DCTD: variants seen among roughly 807,000 people sequenced by gnomAD.
The protein encoded by DCTD is deoxycytidylate deaminase.
Under a neutral mutation model 21.0 loss-of-function variants are expected in DCTD, and 23 were observed. That is an observed-to-expected ratio of 1.09 (90% CI 0.79 to 1.55). DCTD has a LOEUF of 1.55. Ranked by LOEUF, DCTD falls within the 40% of genes most tolerant of loss-of-function variation. DCTD has a pLI of 0.00. For synonymous variants in DCTD, 71 were observed against 81.1 expected (o/e 0.88, Z 0.67); for missense variants, 224 against 230.0 (o/e 0.97, Z 0.17).
intron 4 of DCTD, among the ~76,000 whole-genome samples, chr4:182,893,726 G>T (rs535880790): frequency 1.3e-5 from 2 of 152,050 alleles, no homozygotes; most frequent in Non-Finnish European, 2.9e-5. Flanking sequence ...GCCTGCCACC[G>T]CCTCCACACC....
chr4:182,913,353 C>A (rs1003424146), intron 3 of DCTD, among the ~76,000 whole-genome samples: 1 of 152,210 alleles, frequency 6.6e-6, no homozygotes, highest in Non-Finnish European at 1.5e-5. Context: ...CCCTAAACTA[C>A]TTTTCACATC....
At chr4:182,901,113 A>G (rs1735664164) in intron 3 of DCTD, among the ~76,000 whole-genome samples, 1 of 152,176 alleles carries the variant, frequency 6.6e-6, no homozygotes, top group African/African-American at 2.4e-5. Context: ...CTGATATAAG[A>G]CTGATACAAT....
At chr4:182,894,777 G>A (rs763482921) in intron 3 of DCTD, among the ~76,000 whole-genome samples, 172 bp from the exon 4 acceptor site, 3 of 152,240 alleles carry the variant, frequency 2.0e-5, no homozygotes, top group Non-Finnish European at 4.4e-5. Context: ...ACGTGGTCTG[G>A]CTGGTTGCTG....
chr4:182,901,221 T>C (rs1735681385), intron 3 of DCTD, among the ~76,000 whole-genome samples: 1 of 152,206 alleles, frequency 6.6e-6, no homozygotes, highest in South Asian at 2.1e-4. Context: ...CTAAATAATT[T>C]AGCAGTGATA....
chr4:182,901,983 T>C (rs1355922854), intron 3 of DCTD, among the ~76,000 whole-genome samples: 1 of 152,150 alleles, frequency 6.6e-6, no homozygotes, highest in Non-Finnish European at 1.5e-5. Flanking sequence ...AGATGCCTGA[T>C]GGAAACTTCC....
intron 4 of DCTD, among the ~76,000 whole-genome samples, chr4:182,893,499 T>C (rs1008298317): frequency 1.3e-5 from 2 of 152,240 alleles, no homozygotes; most frequent in Non-Finnish European, 2.9e-5. Flanking sequence ...TGCTGGCAAA[T>C]TCAGAGGTGG....
chr4:182,916,524 T>C, intron 1 of DCTD: 2 of 986,630 alleles, frequency 2.0e-6, no homozygotes, highest in Non-Finnish European at 2.4e-6. Flanking sequence ...TCTGCTACAG[T>C]GCAGGGCGGC....
rs114214138 is a variant in DCTD at position 182,896,940 on chromosome 4, C to G, written c.245-2335G>C. On this transcript the variant is annotated intron_variant, in intron 3 of 5. Transcript: ENST00000438320. ...TGGAAGTCCTCTTAAATTCAAATAT[C>G]AGAAATATGCTCTCCCATCTAATAA... Among the ~76,000 whole-genome samples the G allele has an allele frequency of 5.5e-3, 830 of 152,174 alleles. 8 individuals carry two copies. Among genetic ancestry groups the G allele is most frequent in the African/African-American group, 0.019 (791 of 41,520 alleles).
rs769261093 is a variant in DCTD at position 182,894,562 on chromosome 4, G to A, written c.288C>T (p.Thr96=). 2.0e-5 allele frequency: 33 copies of A among 1,613,988 alleles called. No individual in the cohort carries two copies. Among genetic ancestry groups the A allele is most frequent in the East Asian group, 1.3e-4 (6 of 44,898 alleles). The change falls in exon 4 of 6, where the codon ACC becomes ACT. Residue 96 remains threonine, a synonymous_variant. Transcript: ENST00000438320. ...ELNAIMNKNS[T]DVKGCSMYVA... is the part of the protein sequence containing the mutation. ...CATACATACTACAGCCTTTCACATC[G>A]GTCGAATTTTTGTTCATGATGGCAT...
At chr4:182,910,484 A>T (rs896474516) in intron 3 of DCTD, among the ~76,000 whole-genome samples, 2 of 152,208 alleles carry the variant, frequency 1.3e-5, no homozygotes, top group Admixed American at 1.3e-4. Flanking sequence ...AAGAAAAAGG[A>T]ATGAAAAATG....
rs1163958607 is a variant in DCTD at position 182,917,321 on chromosome 4, C to A, written c.-18G>T. 35 of 1,093,542 alleles carry A rather than the reference C, an allele frequency of 3.2e-5. No individual in the cohort carries two copies. 67.7% of individuals were successfully genotyped at this position (1,093,542 alleles called of 1,614,324 possible). A position where few individuals can be genotyped will look rare whatever the true frequency, so the allele number is the denominator to read the frequency against. On this transcript the variant is annotated 5_prime_UTR_variant, in exon 1 of 6. Coordinates refer to ENST00000438320, the MANE Select transcript of DCTD (RefSeq NM_001921.3). This position sits in a 1 kb window ranked among gnomAD's most constrained non-coding sequence, Gnocchi z 4.9. ...CTGGCCCCCGCCCACCATCCGGTGCCGGCTCCGCGCGCAGGCCGGTGCTCG... is the reference window on the plus strand; with the variant it reads ...CTGGCCCCCGCCCACCATCCGGTGCAGGCTCCGCGCGCAGGCCGGTGCTCG...
intron 1 of DCTD, chr4:182,916,829 A>T: frequency 4.6e-6 from 5 of 1,092,544 alleles, no homozygotes; most frequent in African/African-American, 1.7e-5. Context: ...CTGAACGCCC[A>T]CTAGAGCCCT....
chr4:182,914,647 G>A (rs1426520448), intron 3 of DCTD, among the ~76,000 whole-genome samples: 3 of 152,220 alleles, frequency 2.0e-5, no homozygotes, highest in Non-Finnish European at 4.4e-5. Context: ...CTGGTGTGGT[G>A]CAGGCCAGCA....
At chr4:182,909,777 T>A (rs1246386363) in intron 3 of DCTD, among the ~76,000 whole-genome samples, 1 of 152,094 alleles carries the variant, frequency 6.6e-6, no homozygotes, top group African/African-American at 2.4e-5. Flanking sequence ...GTCAGGAAAA[T>A]GTCAGTGTTC....
chr4:182,902,864 G>C (rs1317274706), intron 3 of DCTD, among the ~76,000 whole-genome samples: 4 of 152,194 alleles, frequency 2.6e-5, no homozygotes, highest in African/African-American at 9.6e-5. Flanking sequence ...TGCTGAAGGA[G>C]TGCTGAGAAA....
Position 182,891,222 on chromosome 4 carries a change from T to G in DCTD, c.*177A>C. The G allele has an allele frequency of 1.3e-5, 8 of 611,124 alleles. No homozygotes were observed. The highest frequency in any genetic ancestry group is 1.5e-5 in the Non-Finnish European group (5 of 341,708). The allele number at this position is 611,124 out of a possible 1,614,324, so 37.9% of individuals were successfully genotyped here. On this transcript the variant is annotated 3_prime_UTR_variant, in exon 6 of 6. Transcript: ENST00000438320. ...ACCCTAAAGCAATAGTTCAAACACATGTAGATTCCATGTGACAAGAGAGAC... is the reference window on the plus strand; with the variant it reads ...ACCCTAAAGCAATAGTTCAAACACAGGTAGATTCCATGTGACAAGAGAGAC...
chr4:182,912,783 T>C (rs1737937801), intron 3 of DCTD, among the ~76,000 whole-genome samples: 1 of 152,176 alleles, frequency 6.6e-6, no homozygotes, highest in East Asian at 1.9e-4. Flanking sequence ...TCCAGGTCAC[T>C]GCTTAAAGAT....
intron 3 of DCTD, among the ~76,000 whole-genome samples, chr4:182,899,149 A>T (rs78485005): frequency 0.037 from 5,643 of 152,298 alleles, 126 homozygotes; most frequent in Non-Finnish European, 0.056. Flanking sequence ...GATGAGAGCC[A>T]GCTCCACAGG....
intron 2 of DCTD, 84 bp from the exon 3 acceptor site, chr4:182,915,142 T>C: frequency 6.4e-7 from 1 of 1,555,122 alleles, no homozygotes; most frequent in South Asian, 1.1e-5. Flanking sequence ...CCAGGGGGAC[T>C]GCAGAACTCA....
Sources: gnomAD v4.1 joint callset for allele counts (sites outside exome capture counted in the v4.1 genomes callset) on GRCh38, gnomAD v4.1.1 for gene constraint, Gnocchi (gnomAD v3.1) non-coding constraint, MANE v1.5 for transcripts, NCBI Gene and HGNC (gene_info 2026-07-23, HGNC 2026-07-21) for gene names.